Variants in HS3ST2 observed in about 807,000 individuals in gnomAD.
HS3ST2 encodes heparan sulfate-glucosamine 3-sulfotransferase 2, also known as heparan sulfate glucosamine 3-O-sulfotransferase 2.
HS3ST2 carries 17 observed loss-of-function variants against 26.3 expected under a neutral mutation model. The observed-to-expected ratio is 0.65, with a 90% CI of 0.44 to 0.97. The LOEUF is 0.97. Among genes scored for constraint, HS3ST2 ranks in the 50% least tolerant of loss-of-function variants. HS3ST2 has a pLI of 0.00. For synonymous variants in HS3ST2, 237 were observed against 219.2 expected (o/e 1.08, Z -0.72); for missense variants, 402 against 501.2 (o/e 0.80, Z 1.89).
intron 1 of HS3ST2, among the ~76,000 whole-genome samples, chr16:22,863,839 C>T (rs1901712426): frequency 6.6e-6 from 1 of 152,204 alleles, no homozygotes; most frequent in Admixed American, 6.5e-5. Context: ...TACCTGCCAC[C>T]CTCTCCCTTC....
At chr16:22,878,620 G>A (rs1250482159) in intron 1 of HS3ST2, among the ~76,000 whole-genome samples, 1 of 150,970 alleles carries the variant, frequency 6.6e-6, no homozygotes, top group African/African-American at 2.5e-5. Flanking sequence ...CAAAAAAAAA[G>A]AAATAAATAC....
At chr16:22,830,507 C>T (rs1901153348) in intron 1 of HS3ST2, among the ~76,000 whole-genome samples, 1 of 152,166 alleles carries the variant, frequency 6.6e-6, no homozygotes, top group Non-Finnish European at 1.5e-5. Flanking sequence ...GATGGTGGGA[C>T]AGAGAGGGCT....
intron 1 of HS3ST2, among the ~76,000 whole-genome samples, chr16:22,854,134 G>C (rs946649411): frequency 6.6e-6 from 1 of 152,150 alleles, no homozygotes; most frequent in African/African-American, 2.4e-5. Context: ...TTGTGCATAG[G>C]GGAATGGCAA....
intron 1 of HS3ST2, among the ~76,000 whole-genome samples, chr16:22,835,643 A>G (rs1448549392): frequency 1.3e-5 from 2 of 152,188 alleles, no homozygotes; most frequent in East Asian, 3.8e-4. Context: ...CATACTACTA[A>G]GTAACCTGTT....
rs112221113 is a variant in HS3ST2 at position 22,875,694 on chromosome 16, T to G, written c.486-39250T>G. Among the ~76,000 whole-genome samples, 1,403 of 152,296 alleles carry G rather than the reference T, an allele frequency of 9.2e-3. 10 individuals are homozygous for G. Among genetic ancestry groups the G allele is most frequent in the Middle Eastern group, 0.037 (11 of 294 alleles). ...CGCAGTGTGGCCTAAGTGTACAGCATTTATAAAACCTGCAGTTGTGTACAG... is the reference window on the plus strand; with the variant it reads ...CGCAGTGTGGCCTAAGTGTACAGCAGTTATAAAACCTGCAGTTGTGTACAG... On this transcript the variant is annotated intron_variant, in intron 1 of 1. Transcript: ENST00000261374.
chr16:22,914,812 T>G (rs1596635790), intron 1 of HS3ST2, 132 bp from the exon 2 acceptor site: 2 of 675,542 alleles, frequency 3.0e-6, no homozygotes, highest in Non-Finnish European at 2.4e-6. Flanking sequence ...CCTCACCAGG[T>G]GAAAGCTTTG....
At position 22,832,513 on chromosome 16, in the gene HS3ST2, C is replaced by G. The variant is rs1048050421; in HGVS notation, c.485+17418C>G. Among the ~76,000 whole-genome samples the G allele has an allele frequency of 2.0e-5, 3 of 151,822 alleles. No individual in the cohort carries two copies. In the East Asian group the frequency reaches 5.8e-4, roughly 29 times the overall value. Reference sequence around the variant, plus strand: ...GGGCGGTATTCAAGTCTTCCCCATCCCACACCCACATTCCTGAATGATGTT... The same window carrying G: ...GGGCGGTATTCAAGTCTTCCCCATCGCACACCCACATTCCTGAATGATGTT... On this transcript the variant is annotated intron_variant, in intron 1 of 1. Transcript: ENST00000261374.
intron 1 of HS3ST2, among the ~76,000 whole-genome samples, chr16:22,846,095 TG>T (rs1209205219): frequency 6.6e-6 from 1 of 152,154 alleles, no homozygotes; most frequent in African/African-American, 2.4e-5. Flanking sequence ...CTGACCAACA[TG>T]GTGAAACCCC....
chr16:22,913,253 G>A (rs115482430), intron 1 of HS3ST2, among the ~76,000 whole-genome samples: 2,949 of 151,314 alleles, frequency 0.019, 80 homozygotes, highest in African/African-American at 0.067. Flanking sequence ...TGCACGTAAG[G>A]GTCAACTATG....
chr16:22,855,500 T>A (rs2141187231), intron 1 of HS3ST2, among the ~76,000 whole-genome samples: 1 of 152,238 alleles, frequency 6.6e-6, no homozygotes, highest in Non-Finnish European at 1.5e-5. Flanking sequence ...CTTGGGAAAT[T>A]TCCCCTGTCC....
rs144115745 is a variant in HS3ST2 at position 22,847,903 on chromosome 16, A to G, written c.485+32808A>G. On this transcript the variant is annotated intron_variant, in intron 1 of 1. Coordinates refer to ENST00000261374, the MANE Select transcript of HS3ST2 (RefSeq NM_006043.2). Reference sequence around the variant, plus strand: ...GAAAGAGGAAGAAAGAGAGAAAGACAAAGCAAGAAGGAAGGAAGAAAAGGA... The same window carrying G: ...GAAAGAGGAAGAAAGAGAGAAAGACGAAGCAAGAAGGAAGGAAGAAAAGGA... 4.8e-3 allele frequency among the ~76,000 whole-genome samples: 724 copies of G among 151,918 alleles called. 6 individuals are homozygous for G. Among genetic ancestry groups the G allele is most frequent in the African/African-American group, 0.016 (657 of 41,444 alleles).
intron 1 of HS3ST2, among the ~76,000 whole-genome samples, chr16:22,885,271 T>C (rs1325569339): frequency 4.6e-5 from 7 of 151,822 alleles, no homozygotes; most frequent in Non-Finnish European, 8.8e-5. Context: ...GCCTCCAATA[T>C]AGAAAAATCT....
chr16:22,907,700 TC>T (rs1422689086), intron 1 of HS3ST2, among the ~76,000 whole-genome samples: 3 of 152,218 alleles, frequency 2.0e-5, no homozygotes, highest in Non-Finnish European at 4.4e-5. Flanking sequence ...AAGTGAGGTA[TC>T]CAGTCTATAG....
chr16:22,839,018 G>A (rs1460435554), intron 1 of HS3ST2, among the ~76,000 whole-genome samples: 1 of 152,152 alleles, frequency 6.6e-6, no homozygotes, highest in African/African-American at 2.4e-5. Context: ...AATGGCACTG[G>A]GCTGTGATTA....
intron 1 of HS3ST2, among the ~76,000 whole-genome samples, chr16:22,847,917 G>C (rs1014629762): frequency 1.3e-5 from 2 of 148,422 alleles, no homozygotes; most frequent in African/African-American, 5.0e-5. Context: ...CAAGAAGGAA[G>C]GAAGAAAAGG....
At chr16:22,888,479 C>T (rs1370259379) in intron 1 of HS3ST2, among the ~76,000 whole-genome samples, 1 of 150,976 alleles carries the variant, frequency 6.6e-6, no homozygotes, top group African/African-American at 2.4e-5. Context: ...CTCCACCTCC[C>T]GGGTTCAAGC....
rs569244421 is a variant in HS3ST2 at position 22,861,228 on chromosome 16, C to T, written c.485+46133C>T. On this transcript the variant is annotated intron_variant, in intron 1 of 1. Transcript: ENST00000261374. The stretch of plus-strand genomic sequence containing the variant: ...TGTATATCATAGTTTTGATATATAA[C>T]GTTCTTTTCTGGCCTCTAGAACCAC... Among the ~76,000 whole-genome samples the T allele has an allele frequency of 2.2e-4, 34 of 152,076 alleles. No homozygotes were observed. The South Asian group carries it at 4.4e-3, about 20-fold the overall frequency.
At chr16:22,859,093 G>C (rs555012765) in intron 1 of HS3ST2, among the ~76,000 whole-genome samples, 1 of 152,292 alleles carries the variant, frequency 6.6e-6, no homozygotes, top group Admixed American at 6.5e-5. Flanking sequence ...TTAAGCCCAG[G>C]ATTTAGAGGC....
At position 22,814,500 on chromosome 16, in the gene HS3ST2, G is replaced by GCGTGGC; in HGVS notation, c.-104_-99dup. The GCGTGGC allele has an allele frequency of 7.8e-7, 1 of 1,277,348 alleles. No homozygotes were observed. Among genetic ancestry groups the GCGTGGC allele is most frequent in the Non-Finnish European group, 1.0e-6 (1 of 980,390 alleles). The allele number at this position is 1,277,348 out of a possible 1,614,324, so 79.1% of individuals were successfully genotyped here. ...AGACGGCGCCCCCAACGCCCGACCCGCGTGGCCGTGGCAGCGCCACGCGAG... is the reference window on the plus strand; with the variant it reads ...AGACGGCGCCCCCAACGCCCGACCCGCGTGGCCGTGGCCGTGGCAGCGCCACGCGAG... On this transcript the variant is annotated 5_prime_UTR_variant, in exon 1 of 2. Coordinates refer to ENST00000261374, the MANE Select transcript of HS3ST2 (RefSeq NM_006043.2).
Sources: allele counts gnomAD v4.1 joint callset (sites outside exome capture counted in the v4.1 genomes callset), GRCh38; gene constraint gnomAD v4.1.1; transcripts MANE v1.5; gene names NCBI Gene and HGNC (gene_info 2026-07-23, HGNC 2026-07-21).